The following TNPO2 variants were observed in gnomAD, a reference collection of about 807,000 sequenced individuals.
TNPO2 encodes the protein transportin 2, also known as transportin-2.
TNPO2 carries 16 observed loss-of-function variants against 111.1 expected under a neutral mutation model. The observed-to-expected ratio is 0.14, with a 90% CI of 0.10 to 0.22. The LOEUF is 0.22. TNPO2 is among the 10% of genes least tolerant of loss of function. The pLI, the probability that TNPO2 is intolerant of heterozygous loss-of-function variation, is 1.00. For synonymous variants in TNPO2, 481 were observed against 475.8 expected (o/e 1.01, Z -0.14); for missense variants, 530 against 1,173.7 (o/e 0.45, Z 8.01).
At position 12,714,852 on chromosome 19, in the gene TNPO2, A is replaced by T; in HGVS notation, c.859T>A (p.Cys287Ser). 6.2e-7 allele frequency: 1 copy of T among 1,613,870 alleles called. No individual in the cohort carries two copies. Among genetic ancestry groups the T allele is most frequent in the Non-Finnish European group, 8.5e-7 (1 of 1,179,804 alleles). The change falls in exon 10 of 26, where the codon TGC (cysteine) becomes AGC (serine). Residue 287 changes from cysteine (C) to serine (S), a missense_variant. Physicochemically the swap from Cys to Ser is moderately radical, Grantham distance 112. Coordinates refer to ENST00000425528, the MANE Select transcript of TNPO2 (RefSeq NM_001382241.1). ...FWLTLAEQPI[C>S]KEVLASHLVQ... is the part of the protein sequence containing the mutation. ...AGATGGGAGGCCAGGACTTCCTTGC[A>T]GATGGGCTGCTCGGCCAGCGTCAGC...
intron 20 of TNPO2, 28 bp downstream of exon 20, chr19:12,703,400 C>A: frequency 6.3e-7 from 1 of 1,597,310 alleles, no homozygotes; most frequent in Non-Finnish European, 8.6e-7. Context: ...TAATGGGGGG[C>A]GCGTGTTGCC....
In TNPO2 at chr19:12,721,471, T is replaced by C. The variant is rs1433637245; in HGVS notation, c.-13-481A>G. ...TCCCCTTCCCCCGACACTCTGCCCT[T>C]AACTTCTGCCAGATCCCAGAGGCCT... On this transcript the variant is annotated intron_variant, in intron 2 of 25. Coordinates refer to ENST00000425528, the MANE Select transcript of TNPO2 (RefSeq NM_001382241.1). This position sits in a 1 kb window ranked among gnomAD's most constrained non-coding sequence, Gnocchi z 4.9. The C allele has an allele frequency of 4.4e-6, 2 of 459,268 alleles. No individual in the cohort carries two copies. Among genetic ancestry groups the C allele is most frequent in the Non-Finnish European group, 8.1e-6 (2 of 246,838 alleles). The allele number at this position is 459,268 out of a possible 1,614,324, so 28.4% of individuals were successfully genotyped here.
At chr19:12,710,556 C>G (rs2025976896) in intron 13 of TNPO2, 65 bp downstream of exon 13, 1 of 1,567,180 alleles carries the variant, frequency 6.4e-7, no homozygotes, top group African/African-American at 1.4e-5. Flanking sequence ...ATTGGTGTGG[C>G]TAGTAATGTG....
In TNPO2 at chr19:12,702,019, G is replaced by T; in HGVS notation, c.2411+53C>A. 1 of 1,558,460 alleles carries T rather than the reference G, an allele frequency of 6.4e-7. No homozygotes were observed. Among genetic ancestry groups the T allele is most frequent in the Non-Finnish European group, 8.8e-7 (1 of 1,130,224 alleles). The stretch of plus-strand genomic sequence containing the variant: ...GCTGGAAATGCACAGGCGAGGGAGG[G>T]GGTTGGGCCAGTCCCGCCCACCACA... On this transcript the variant is annotated intron_variant, in intron 22 of 25. Coordinates refer to ENST00000425528, the MANE Select transcript of TNPO2 (RefSeq NM_001382241.1). This position sits in a 1 kb window ranked among gnomAD's most constrained non-coding sequence, Gnocchi z 5.5.
rs762836188 is a variant in TNPO2, at chr19:12,706,543, G to A, written c.1496+27C>T. The A allele has an allele frequency of 6.2e-6, 10 of 1,610,070 alleles. No homozygotes were observed. Among genetic ancestry groups the A allele is most frequent in the South Asian group, 1.1e-5 (1 of 90,992 alleles). On this transcript the variant is annotated intron_variant, in intron 14 of 25. Transcript: ENST00000425528. The surrounding 1 kb of genome is among the most constrained non-coding windows in gnomAD (Gnocchi z 7.0). ...AGAGGGTGGCCGGGGGAGAGTGGGG[G>A]CTGTGGGATCAGGGGTCCAGGGTCA...
In TNPO2 at chr19:12,715,160, C is replaced by A. The variant is rs2026293433; in HGVS notation, c.658G>T (p.Ala220Ser). The change falls in exon 9 of 26, where the codon GCC (alanine) becomes TCC (serine). Residue 220 changes from alanine (A) to serine (S), a missense_variant. Ala to Ser is a moderately conservative substitution (Grantham distance 99, BLOSUM62 1). Coordinates refer to ENST00000425528, the MANE Select transcript of TNPO2 (RefSeq NM_001382241.1). The surrounding 1 kb of genome is among the most constrained non-coding windows in gnomAD (Gnocchi z 7.1). Reference sequence around the variant, plus strand: ...TCGGGGTCATCATCCACAGCCAGGGCAAATAGGTGCTGCAGGGAGGAACAG... The same window carrying A: ...TCGGGGTCATCATCCACAGCCAGGGAAAATAGGTGCTGCAGGGAGGAACAG... The part of the protein sequence containing the change: ...NIDTFIEHLF[A>S]LAVDDDPEVR... 2.5e-6 allele frequency: 4 copies of A among 1,609,088 alleles called. No individual in the cohort carries two copies. Among genetic ancestry groups the A allele is most frequent in the Non-Finnish European group, 3.4e-6 (4 of 1,176,594 alleles).
At chr19:12,722,527 C>T (rs1967050373) in intron 2 of TNPO2, 1 of 134,574 alleles carries the variant, frequency 7.4e-6, no homozygotes, top group Non-Finnish European at 1.5e-5. Context: ...TCTCCAGAGA[C>T]TCGCGCGGAA....
Position 12,701,680 on chromosome 19 carries a change from G to A in TNPO2, c.2512-8C>T, listed in dbSNP as rs150323199. On this transcript the variant is annotated splice_polypyrimidine_tract_variant and splice_region_variant and intron_variant, in intron 23 of 25. Coordinates refer to ENST00000425528, the MANE Select transcript of TNPO2 (RefSeq NM_001382241.1). The surrounding 1 kb of genome is among the most constrained non-coding windows in gnomAD (Gnocchi z 5.0). ...GCAGAAGAAAATAAAGTCCTGAAACGTGACGGATCCCAGGTGAGGGGCCGC... is the reference window on the plus strand; with the variant it reads ...GCAGAAGAAAATAAAGTCCTGAAACATGACGGATCCCAGGTGAGGGGCCGC... 1.7e-5 allele frequency: 28 copies of A among 1,613,814 alleles called. No individual in the cohort carries two copies. The East Asian group carries it at 4.2e-4, about 24-fold the overall frequency.
At chr19:12,710,812 C>T in intron 12 of TNPO2, 39 bp from the exon 13 acceptor site, 1 of 1,567,518 alleles carries the variant, frequency 6.4e-7, no homozygotes, top group Non-Finnish European at 8.6e-7. Flanking sequence ...CAGGGCGGCC[C>T]CTCAGGCAGG....
intron 20 of TNPO2, 173 bp from the exon 21 acceptor site, chr19:12,703,091 A>G (rs764290866): frequency 9.6e-6 from 6 of 625,664 alleles, no homozygotes; most frequent in African/African-American, 7.4e-5. Context: ...TCCCTGGCCA[A>G]CCAGGGACAG....
rs1192334465 is a variant in TNPO2 at position 12,701,301 on chromosome 19, G to T, written c.*20+25C>A. The T allele has an allele frequency of 4.6e-6, 7 of 1,520,854 alleles. No individual in the cohort carries two copies. In the Admixed American group the frequency reaches 6.7e-5, roughly 15 times the overall value. 94.2% of individuals were successfully genotyped at this position (1,520,854 alleles called of 1,614,324 possible). A position where few individuals can be genotyped will look rare whatever the true frequency, so the allele number is the denominator to read the frequency against. On this transcript the variant is annotated intron_variant, in intron 25 of 25. Coordinates refer to ENST00000425528, the MANE Select transcript of TNPO2 (RefSeq NM_001382241.1). This position sits in a 1 kb window ranked among gnomAD's most constrained non-coding sequence, Gnocchi z 5.0. ...ACCTTTCGGCCCCCAAGACAGTGCT[G>T]ACTTGCCAGCTGCAGTCTCCTTACC... is the stretch of plus-strand genomic sequence containing the variant.
chr19:12,718,083 C>A (rs1221923538), intron 5 of TNPO2, among the ~76,000 whole-genome samples: 2 of 151,868 alleles, frequency 1.3e-5, no homozygotes, highest in Non-Finnish European at 2.9e-5. Flanking sequence ...CGGCTCACTG[C>A]AACCTCTGCC....
At chr19:12,718,127 C>T (rs1325177911) in intron 5 of TNPO2, among the ~76,000 whole-genome samples, 1 of 152,082 alleles carries the variant, frequency 6.6e-6, no homozygotes, top group African/African-American at 2.4e-5. Context: ...GCCTCAGCCT[C>T]CTGAGTAGCT....
In TNPO2 at chr19:12,715,729, G is replaced by A; in HGVS notation, c.336C>T (p.Ile112=). The change falls in exon 6 of 26, where the codon ATC becomes ATT. Residue 112 remains isoleucine, a synonymous_variant. Coordinates refer to ENST00000425528, the MANE Select transcript of TNPO2 (RefSeq NM_001382241.1). The surrounding 1 kb of genome is among the most constrained non-coding windows in gnomAD (Gnocchi z 7.1). ...SLIRATIGIL[I]TTIASKGELQ... ...GCTCACCCTTGGAAGCGATGGTGGT[G>A]ATGAGAATGCCTGGGGCGGCCGGGA... is the stretch of plus-strand genomic sequence containing the variant. 1 of 1,611,518 alleles carries A rather than the reference G, an allele frequency of 6.2e-7. No homozygotes were observed. The highest frequency in any genetic ancestry group is 8.5e-7 in the Non-Finnish European group (1 of 1,179,082).
intron 13 of TNPO2, among the ~76,000 whole-genome samples, chr19:12,707,266 G>C (rs2025738500): frequency 6.6e-6 from 1 of 152,110 alleles, no homozygotes; most frequent in East Asian, 1.9e-4. Flanking sequence ...CAAAGTGCTG[G>C]GATTACAGGC....
Position 12,719,195 on chromosome 19 carries a change from T to C in TNPO2, c.176-17A>G. The C allele has an allele frequency of 6.2e-7, 1 of 1,613,800 alleles. No individual in the cohort carries two copies. Among genetic ancestry groups the C allele is most frequent in the Non-Finnish European group, 8.5e-7 (1 of 1,179,754 alleles). ...TTGGCTCATCTGGGAGGAGGAAGGC[T>C]GAGGTTCAGGGGCCCAGGGGGAGAA... On this transcript the variant is annotated splice_polypyrimidine_tract_variant and intron_variant, in intron 4 of 25. Transcript: ENST00000425528. This position sits in a 1 kb window ranked among gnomAD's most constrained non-coding sequence, Gnocchi z 5.0.
Position 12,711,550 on chromosome 19 carries a change from G to C in TNPO2, c.951+3C>G. The C allele has an allele frequency of 3.7e-6, 6 of 1,613,914 alleles. No homozygotes were observed. Among genetic ancestry groups the C allele is most frequent in the Non-Finnish European group, 5.1e-6 (6 of 1,179,854 alleles). Reference sequence around the variant, plus strand: ...CACCCATGCTGGGTGGGCCCTGCCTGACCTTGAGCAGGATGATGTCAATTT... The same window carrying C: ...CACCCATGCTGGGTGGGCCCTGCCTCACCTTGAGCAGGATGATGTCAATTT... On this transcript the variant is annotated splice_donor_region_variant and intron_variant, in intron 11 of 25. Coordinates refer to ENST00000425528, the MANE Select transcript of TNPO2 (RefSeq NM_001382241.1).
chr19:12,706,433 G>A lies in TNPO2; in HGVS notation c.1497-66C>T, dbSNP rs1296571819. On this transcript the variant is annotated intron_variant, in intron 14 of 25. Coordinates refer to ENST00000425528, the MANE Select transcript of TNPO2 (RefSeq NM_001382241.1). This position sits in a 1 kb window ranked among gnomAD's most constrained non-coding sequence, Gnocchi z 7.0. ...GGCAGGTGACACTGGGCCATGGGCA[G>A]TTGGGGAGGGCAACTCAGGATCAGC... The A allele has an allele frequency of 2.5e-6, 4 of 1,599,746 alleles. No individual in the cohort carries two copies. In the East Asian group the frequency reaches 8.9e-5, roughly 36 times the overall value.
At position 12,711,343 on chromosome 19, in the gene TNPO2, T is replaced by C. The variant is rs773671295; in HGVS notation, c.1070A>G (p.Asp357Gly). 9 of 1,614,008 alleles carry C rather than the reference T, an allele frequency of 5.6e-6. No individual in the cohort carries two copies. The highest frequency in any genetic ancestry group is 1.3e-5 in the African/African-American group (1 of 75,050). ...HEAERPDGSE[D>G]AEDDDDDDAL... ...ATCATCATCATCGTCATCCTCCGCG[T>C]CCTCGGAGCCATCAGGCCGCTCAGC... The change falls in exon 12 of 26, where the codon GAC becomes GGC. Residue 357 changes from aspartate to glycine, a missense_variant. Coordinates refer to ENST00000425528, the MANE Select transcript of TNPO2 (RefSeq NM_001382241.1).
Sources: gnomAD v4.1 joint callset for allele counts (sites outside exome capture counted in the v4.1 genomes callset) on GRCh38, gnomAD v4.1.1 for gene constraint, Gnocchi (gnomAD v3.1) non-coding constraint, MANE v1.5 for transcripts, NCBI Gene and HGNC (gene_info 2026-07-23, HGNC 2026-07-21) for gene names.